Variants in NCKAP5 observed in about 807,000 individuals in gnomAD.
NCKAP5 encodes the protein nck-associated protein 5.
A neutral mutation model predicts 167.0 loss-of-function variants in NCKAP5; 92 were observed. That is an observed-to-expected ratio of 0.55 (90% confidence interval 0.47 to 0.66). The LOEUF (loss-of-function observed/expected upper bound fraction) is 0.66. NCKAP5 is among the 30% of genes least tolerant of loss of function. The pLI is 0.00. For missense variants in NCKAP5, 2,378 were observed against 2,315.0 expected, an observed-to-expected ratio of 1.03 and a Z score of -0.56; for synonymous variants, 891 against 877.4, an observed-to-expected ratio of 1.02 and a Z score of -0.27.
intron 13 of NCKAP5, among the ~76,000 whole-genome samples, chr2:132,786,011 A>G (rs1024524566): frequency 6.6e-6 from 1 of 152,252 alleles, no homozygotes; most frequent in African/African-American, 2.4e-5. Flanking sequence ...ACTGTATGTC[A>G]AGGGAGAAAA....
At chr2:133,614,176 G>A in the NCKAP5 span, among the ~76,000 whole-genome samples, 66 of 152,242 alleles carry the variant, frequency 4.3e-4, no homozygotes, top group East Asian at 0.01. Context: ...CTGTGAGCCC[G>A]CTTGCTTTCT....
At chr2:133,049,458 T>A (rs2079527778) in intron 6 of NCKAP5, among the ~76,000 whole-genome samples, 1 of 144,642 alleles carries the variant, frequency 6.9e-6, no homozygotes, top group Non-Finnish European at 1.5e-5. Context: ...GGCAGGAGAA[T>A]GGTGTGAACC....
At chr2:133,236,894 G>A (rs1301807499) in intron 4 of NCKAP5, among the ~76,000 whole-genome samples, 1 of 152,102 alleles carries the variant, frequency 6.6e-6, no homozygotes, top group Non-Finnish European at 1.5e-5. Flanking sequence ...CATAAGAGTA[G>A]AAATTCACCA....
At position 132,998,136 on chromosome 2, in the gene NCKAP5, ATAGT is replaced by A. The variant is rs137987880; in HGVS notation, c.342-3901_342-3898del. On this transcript the variant is annotated intron_variant, in intron 6 of 19. Coordinates refer to ENST00000409261, the MANE Select transcript of NCKAP5 (RefSeq NM_207363.3). ...AAACATCTGACTTAAAAGTGGCCAA[ATAGT>A]TAGAACTCGGTTAAAATGAAATCAT... Among the ~76,000 whole-genome samples, 351 of 152,362 alleles carry A rather than the reference ATAGT, an allele frequency of 2.3e-3. 1 individual carries two copies. The highest frequency in any genetic ancestry group is 4.1e-3 in the Non-Finnish European group (280 of 68,026).
intron 2 of NCKAP5, among the ~76,000 whole-genome samples, chr2:133,551,394 A>G (rs1432853294): frequency 1.6e-4 from 21 of 134,094 alleles, no homozygotes; most frequent in Non-Finnish European, 3.0e-4. Flanking sequence ...ACCAAAACAG[A>G]GATATAGATC....
At chr2:133,472,893 T>C (rs556726258) in intron 3 of NCKAP5, among the ~76,000 whole-genome samples, 47 of 152,232 alleles carry the variant, frequency 3.1e-4, no homozygotes, top group African/African-American at 1.1e-3. Flanking sequence ...ACATGTTGGA[T>C]TGCTTCTCTT....
chr2:132,935,995 T>C (rs78823180), intron 8 of NCKAP5, among the ~76,000 whole-genome samples: 7 of 147,554 alleles, frequency 4.7e-5, no homozygotes, highest in African/African-American at 1.8e-4. Context: ...TTTTTTTTTT[T>C]CCTTGAGACA....
intron 6 of NCKAP5, among the ~76,000 whole-genome samples, chr2:133,081,843 A>G (rs557484233): frequency 1.3e-5 from 2 of 152,178 alleles, no homozygotes; most frequent in Non-Finnish European, 2.9e-5. Flanking sequence ...CAGATTACCC[A>G]GACATCAAGT....
chr2:132,924,522 C>A (rs1695699221), intron 8 of NCKAP5, among the ~76,000 whole-genome samples: 1 of 152,104 alleles, frequency 6.6e-6, no homozygotes, highest in South Asian at 2.1e-4. Context: ...TATGTCAAAT[C>A]CTAAAATATT....
At chr2:132,880,771 A>G (rs528218904) in intron 8 of NCKAP5, among the ~76,000 whole-genome samples, 30 of 152,368 alleles carry the variant, frequency 2.0e-4, no homozygotes, top group Middle Eastern at 3.4e-3. Context: ...ATCAAAAAAC[A>G]AAAAGGATAG....
chr2:132,860,346 T>G (rs1295768068), intron 11 of NCKAP5, 146 bp downstream of exon 11: 1 of 982,342 alleles, frequency 1.0e-6, no homozygotes, highest in Non-Finnish European at 1.5e-6. Context: ...CACCTTCAAA[T>G]TTAATGACAT....
At chr2:133,457,636 T>C (rs1317646810) in intron 3 of NCKAP5, among the ~76,000 whole-genome samples, 2 of 152,114 alleles carry the variant, frequency 1.3e-5, no homozygotes, top group Non-Finnish European at 2.9e-5. Context: ...CAATCAGTAA[T>C]ACAGATCAAA....
chr2:132,988,465 A>T (rs2077359776), intron 7 of NCKAP5, among the ~76,000 whole-genome samples: 1 of 149,242 alleles, frequency 6.7e-6, no homozygotes, highest in Non-Finnish European at 1.5e-5. Context: ...TGCCTCAAAA[A>T]AAAAAAAAAA....
intron 6 of NCKAP5, among the ~76,000 whole-genome samples, chr2:133,047,809 T>C (rs927185320): frequency 6.6e-6 from 1 of 152,210 alleles, no homozygotes; most frequent in Non-Finnish European, 1.5e-5. Context: ...ACCATTCTGA[T>C]TAACCAGTAA....
intron 3 of NCKAP5, among the ~76,000 whole-genome samples, chr2:133,331,234 G>T (rs1682834634): frequency 6.6e-6 from 1 of 151,894 alleles, no homozygotes; most frequent in Admixed American, 6.6e-5. Flanking sequence ...TTTTTTGTTG[G>T]CAGGTTTTAA....
intron 8 of NCKAP5, among the ~76,000 whole-genome samples, chr2:132,881,733 A>C (rs1691775263): frequency 6.6e-6 from 1 of 151,978 alleles, no homozygotes; most frequent in African/African-American, 2.4e-5. Flanking sequence ...GCTGCTGGAC[A>C]TGTTAACTTT....
the NCKAP5 span, among the ~76,000 whole-genome samples, chr2:133,584,017 G>A: frequency 6.6e-6 from 1 of 152,214 alleles, no homozygotes; most frequent in African/African-American, 2.4e-5. Context: ...GCCTCCCAAA[G>A]TGCTGGGATT....
In NCKAP5 at chr2:133,276,915, T is replaced by A. The variant is rs558878328; in HGVS notation, c.143+26122A>T. Among the ~76,000 whole-genome samples, 3 of 152,234 alleles carry A rather than the reference T, an allele frequency of 2.0e-5. No individual in the cohort carries two copies. In the South Asian group the frequency reaches 6.2e-4, roughly 32 times the overall value. On this transcript the variant is annotated intron_variant, in intron 4 of 19. Coordinates refer to ENST00000409261, the MANE Select transcript of NCKAP5 (RefSeq NM_207363.3). ...CCTTTAGTATATGACACCCTGTTAA[T>A]AAATCTAAAGGAAAAAAATTACAAG... is the stretch of plus-strand genomic sequence containing the variant.
intron 6 of NCKAP5, among the ~76,000 whole-genome samples, chr2:133,031,792 G>C (rs1349464388): frequency 6.6e-6 from 1 of 152,084 alleles, no homozygotes; most frequent in African/African-American, 2.4e-5. Flanking sequence ...GCAGGATACG[G>C]CACTGGTCAG....
Sources: allele counts gnomAD v4.1 joint callset (sites outside exome capture counted in the v4.1 genomes callset), GRCh38; gene constraint gnomAD v4.1.1; transcripts MANE v1.5; gene names NCBI Gene and HGNC (gene_info 2026-07-23, HGNC 2026-07-21).